SH3KBP1: variants seen among roughly 807,000 people sequenced by gnomAD.
SH3KBP1 encodes SH3 domain-containing kinase-binding protein 1.
Under a neutral mutation model 50.1 loss-of-function variants are expected in SH3KBP1, and 8 were observed. That is an observed-to-expected ratio of 0.16 (90% confidence interval 0.09 to 0.29). SH3KBP1 has a LOEUF of 0.29. SH3KBP1 is among the 10% of genes least tolerant of loss of function. The probability of loss-of-function intolerance (pLI) is 1.00; values close to 1 mark genes in which losing one functional copy is unlikely to be tolerated. For missense variants in SH3KBP1, 377 were observed against 535.2 expected (o/e 0.70, Z 2.92); for synonymous variants, 227 against 218.6 (o/e 1.04, Z -0.34).
chrX:19,692,687 A>T lies in SH3KBP1; in HGVS notation c.520+2925T>A, dbSNP rs753180591. Among the ~76,000 whole-genome samples, 624 of 86,956 alleles carry T rather than the reference A, an allele frequency of 7.2e-3. 15 individuals carry two copies. The highest frequency in any genetic ancestry group is 0.027 in the Middle Eastern group (5 of 186). 75.5% of individuals were successfully genotyped at this position (86,956 alleles called of 115,157 possible). A position where few individuals can be genotyped will look rare whatever the true frequency, so the allele number is the denominator to read the frequency against. On this transcript the variant is annotated intron_variant, in intron 5 of 17. Transcript: ENST00000397821. ...TGTGTGTGTATGTATATATATATATATATTTTTTTTTTTTTTTAATAGTCT... is the reference window on the plus strand; with the variant it reads ...TGTGTGTGTATGTATATATATATATTTATTTTTTTTTTTTTTTAATAGTCT...
chrX:19,740,004 TAGAA>T (rs1391067588), intron 3 of SH3KBP1, among the ~76,000 whole-genome samples: 1 of 109,630 alleles, frequency 9.1e-6, no homozygotes, highest in Non-Finnish European at 1.9e-5. Flanking sequence ...GACACAGAGA[TAGAA>T]AGGAGATTAA....
chrX:19,680,885 A>G (rs1047073517), intron 6 of SH3KBP1, among the ~76,000 whole-genome samples: 3 of 111,889 alleles, frequency 2.7e-5, no homozygotes, highest in African/African-American at 9.7e-5. Context: ...GAGGCTCCAC[A>G]TGAGAAATGG....
rs191611999 is a variant in SH3KBP1 at position 19,781,793 on chromosome X, A to G, written c.163-35352T>C. 1.5e-3 allele frequency among the ~76,000 whole-genome samples: 163 copies of G among 111,689 alleles called. 1 individual carries two copies. The highest frequency in any genetic ancestry group is 5.1e-3 in the African/African-American group (157 of 30,717). The stretch of plus-strand genomic sequence containing the variant: ...TAAAGCATTTTATGATGATGGTTGC[A>G]TAACTGGGTATGTTTACTAAAAACC... On this transcript the variant is annotated intron_variant, in intron 2 of 17. Coordinates refer to ENST00000397821, the MANE Select transcript of SH3KBP1 (RefSeq NM_031892.3).
chrX:19,765,802 C>T (rs1325245625), intron 2 of SH3KBP1, among the ~76,000 whole-genome samples: 2 of 112,065 alleles, frequency 1.8e-5, no homozygotes, highest in Non-Finnish European at 3.8e-5. Flanking sequence ...TAGGTTAAGT[C>T]ATACAGTATT....
chrX:19,793,177 A>G (rs897714860), intron 2 of SH3KBP1, among the ~76,000 whole-genome samples: 10 of 109,292 alleles, frequency 9.1e-5, no homozygotes, highest in Non-Finnish European at 7.6e-5. Context: ...GCACACCTGT[A>G]ATCCCAGCTA....
At chrX:19,597,349 A>C (rs1244402819) in intron 9 of SH3KBP1, among the ~76,000 whole-genome samples, 1 of 112,367 alleles carries the variant, frequency 8.9e-6, no homozygotes, top group Non-Finnish European at 1.9e-5. Context: ...TGCTGTAAAC[A>C]GATGTGCTAT....
chrX:19,804,159 G>A (rs2066964786), intron 2 of SH3KBP1, among the ~76,000 whole-genome samples: 4 of 111,220 alleles, frequency 3.6e-5, no homozygotes, highest in East Asian at 2.8e-4. Context: ...GCGACAGAGT[G>A]AGAATCCATA....
chrX:19,738,365 A>T (rs952543797), intron 3 of SH3KBP1, among the ~76,000 whole-genome samples: 1 of 111,195 alleles, frequency 9.0e-6, no homozygotes, highest in Admixed American at 9.6e-5. Context: ...GCTGGTTTCT[A>T]TCTGAGCATG....
At chrX:19,824,359 A>G (rs1405427950) in intron 2 of SH3KBP1, among the ~76,000 whole-genome samples, 1 of 112,176 alleles carries the variant, frequency 8.9e-6, no homozygotes, top group African/African-American at 3.2e-5. Context: ...TAGAATTAAA[A>G]ACATGGTACT....
intron 1 of SH3KBP1, among the ~76,000 whole-genome samples, chrX:19,870,842 C>T (rs2069022249): frequency 9.0e-6 from 1 of 111,493 alleles, no homozygotes; most frequent in Non-Finnish European, 1.9e-5. Flanking sequence ...CGCACCAGAG[C>T]AAGCAGTATG....
chrX:19,874,048 C>CAAAAAAAAAAA (rs55948760), intron 1 of SH3KBP1, among the ~76,000 whole-genome samples: 2 of 26,293 alleles, frequency 7.6e-5, no homozygotes. Context: ...GAGTCCATCT[C>CAAAAAAAAAAA]AAAAAAAAAA....
At chrX:19,714,390 T>C (rs1207563735) in intron 3 of SH3KBP1, among the ~76,000 whole-genome samples, 2 of 111,982 alleles carry the variant, frequency 1.8e-5, no homozygotes, top group Non-Finnish European at 3.8e-5. Flanking sequence ...CTTGAGGGGA[T>C]GGATACCCCA....
intron 7 of SH3KBP1, 44 bp downstream of exon 7, chrX:19,645,356 C>T (rs2061966853): frequency 2.0e-6 from 2 of 1,018,697 alleles, no homozygotes; most frequent in African/African-American, 1.9e-5. Flanking sequence ...TTGGGAAATC[C>T]TTAAATGCTT....
intron 2 of SH3KBP1, among the ~76,000 whole-genome samples, chrX:19,755,868 CT>C (rs1448635151): frequency 9.0e-6 from 1 of 111,378 alleles, no homozygotes; most frequent in Non-Finnish European, 1.9e-5. Context: ...CTGTTTCGTT[CT>C]GATTACCGCT....
intron 2 of SH3KBP1, among the ~76,000 whole-genome samples, chrX:19,808,196 A>C (rs1222529153): frequency 9.0e-6 from 1 of 110,949 alleles, no homozygotes; most frequent in Non-Finnish European, 1.9e-5. Context: ...CTCAGTCTCT[A>C]AAATATACAC....
At chrX:19,760,492 A>G (rs2065387580) in intron 2 of SH3KBP1, among the ~76,000 whole-genome samples, 1 of 110,352 alleles carries the variant, frequency 9.1e-6, no homozygotes, top group African/African-American at 3.3e-5. Flanking sequence ...CTAGAGCTGA[A>G]GTTGTCAGGA....
chrX:19,794,717 A>G (rs1184229144), intron 2 of SH3KBP1, among the ~76,000 whole-genome samples: 7 of 111,785 alleles, frequency 6.3e-5, no homozygotes, highest in Admixed American at 3.8e-4. Flanking sequence ...AATAAATAAA[A>G]TAAAATAAAA....
intron 5 of SH3KBP1, among the ~76,000 whole-genome samples, chrX:19,686,610 C>T (rs1378388150): frequency 9.0e-6 from 1 of 110,926 alleles, no homozygotes; most frequent in Non-Finnish European, 1.9e-5. Context: ...GCTGTCAAAA[C>T]TCCCACGGTG....
chrX:19,774,648 CA>C (rs370626321), intron 2 of SH3KBP1, among the ~76,000 whole-genome samples: 1 of 41,667 alleles, frequency 2.4e-5, no homozygotes, highest in Admixed American at 3.0e-4. Context: ...TCCCCTGTCT[CA>C]AAAAAAAAGA....
Sources: allele counts gnomAD v4.1 joint callset (sites outside exome capture counted in the v4.1 genomes callset), GRCh38; gene constraint gnomAD v4.1.1; transcripts MANE v1.5; gene names NCBI Gene and HGNC (gene_info 2026-07-23, HGNC 2026-07-21).